The following MALRD1 variants were observed in gnomAD, a reference collection of about 807,000 sequenced individuals.
MALRD1 encodes MAM and LDL-receptor class A domain-containing protein 1.
In MALRD1, 247 loss-of-function variants were observed where a neutral mutation model predicts 242.1. The ratio of observed to expected loss-of-function variants is 1.02; its 90% confidence interval spans 0.92 to 1.13. The LOEUF is 1.13. MALRD1 is among the 50% of genes most tolerant of loss of function. The probability of loss-of-function intolerance (pLI) is 0.00; values close to 1 mark genes in which losing one functional copy is unlikely to be tolerated. For synonymous variants in MALRD1, 995 were observed against 866.6 expected (o/e 1.15, Z -2.60); for missense variants, 2,989 against 2,533.1 (o/e 1.18, Z -3.86).
intron 33 of MALRD1, among the ~76,000 whole-genome samples, chr10:19,586,013 C>T (rs1370659449): frequency 1.2e-4 from 18 of 152,306 alleles, no homozygotes; most frequent in South Asian, 8.3e-4. Flanking sequence ...TCCAGTTGAT[C>T]GCATCGGCTC....
At chr10:19,259,472 G>A (rs1003328786) in intron 19 of MALRD1, among the ~76,000 whole-genome samples, 4 of 152,100 alleles carry the variant, frequency 2.6e-5, no homozygotes, top group East Asian at 3.9e-4. Context: ...GCAAAGTCAA[G>A]TCTTACAAGT....
intron 26 of MALRD1, among the ~76,000 whole-genome samples, chr10:19,380,284 T>A (rs999524926): frequency 6.6e-6 from 1 of 151,346 alleles, no homozygotes; most frequent in Non-Finnish European, 1.5e-5. Flanking sequence ...CTTCTTTTTT[T>A]TTTTTTTTGA....
intron 4 of MALRD1, among the ~76,000 whole-genome samples, chr10:19,100,923 C>G (rs1419078807): frequency 6.6e-6 from 1 of 151,918 alleles, no homozygotes; most frequent in Non-Finnish European, 1.5e-5. Flanking sequence ...GGGACTATCT[C>G]TATGAAAAAG....
At chr10:19,330,785 A>G (rs967086769) in intron 23 of MALRD1, among the ~76,000 whole-genome samples, 1 of 152,170 alleles carries the variant, frequency 6.6e-6, no homozygotes, top group Non-Finnish European at 1.5e-5. Flanking sequence ...AATAGGACAC[A>G]TGAAGATTCT....
At chr10:19,119,283 C>T (rs906091218) in intron 5 of MALRD1, among the ~76,000 whole-genome samples, 3 of 152,096 alleles carry the variant, frequency 2.0e-5, no homozygotes, top group Admixed American at 6.5e-5. Context: ...AGGTAGTAAC[C>T]GCCCAAGGGG....
intron 21 of MALRD1, among the ~76,000 whole-genome samples, chr10:19,315,760 A>G (rs1842676253): frequency 7.1e-6 from 1 of 140,728 alleles, no homozygotes; most frequent in African/African-American, 2.6e-5. Flanking sequence ...AATATGTAAT[A>G]TATATGTATA....
intron 32 of MALRD1, among the ~76,000 whole-genome samples, chr10:19,540,180 C>G (rs1339980879): frequency 2.6e-5 from 4 of 152,028 alleles, no homozygotes; most frequent in Non-Finnish European, 5.9e-5. Context: ...TTAGAATAGG[C>G]AGATGTTTCC....
chr10:19,480,728 A>T (rs1365407440), intron 29 of MALRD1, among the ~76,000 whole-genome samples: 2 of 152,166 alleles, frequency 1.3e-5, no homozygotes. Context: ...GCATGAGACC[A>T]TAGTGGTCCT....
At chr10:19,066,695 C>A in intron 1 of MALRD1, 24 bp from the exon 2 acceptor site, 1 of 1,233,262 alleles carries the variant, frequency 8.1e-7, no homozygotes, top group Non-Finnish European at 1.0e-6. Flanking sequence ...GTTGTGAAAA[C>A]CAACTTTTCT....
At chr10:19,433,113 T>A (rs1337604202) in intron 28 of MALRD1, among the ~76,000 whole-genome samples, 1 of 152,200 alleles carries the variant, frequency 6.6e-6, no homozygotes, top group African/African-American at 2.4e-5. Flanking sequence ...TATATTATTT[T>A]TATCTAATCA....
intron 34 of MALRD1, among the ~76,000 whole-genome samples, chr10:19,596,226 A>T (rs1249873341): frequency 6.6e-6 from 1 of 152,176 alleles, no homozygotes; most frequent in Non-Finnish European, 1.5e-5. Context: ...TCTTAAAGTG[A>T]GTACATATCA....
At chr10:19,193,600 G>A (rs1836090449) in intron 14 of MALRD1, among the ~76,000 whole-genome samples, 2 of 152,074 alleles carry the variant, frequency 1.3e-5, no homozygotes, top group African/African-American at 4.8e-5. Flanking sequence ...TGTGCTACAA[G>A]ACATGGGAAT....
chr10:19,441,366 T>C (rs3001935), intron 28 of MALRD1, among the ~76,000 whole-genome samples: 106,618 of 152,094 alleles, frequency 0.7, 37,473 homozygotes, highest in Non-Finnish European at 0.74. Flanking sequence ...TTGTCAATTT[T>C]GGCTTTTGTT....
chr10:19,162,482 T>C (rs1834473643), intron 12 of MALRD1, among the ~76,000 whole-genome samples: 1 of 152,196 alleles, frequency 6.6e-6, no homozygotes, highest in Non-Finnish European at 1.5e-5. Context: ...AGGTTTAGTG[T>C]TCTGCTACTG....
At chr10:19,708,979 A>G (rs1161309996) in intron 38 of MALRD1, among the ~76,000 whole-genome samples, 1 of 121,326 alleles carries the variant, frequency 8.2e-6, no homozygotes, top group Non-Finnish European at 1.9e-5. Context: ...ATTTATTTTG[A>G]AATGGAAACA....
chr10:19,532,423 T>A (rs1372189665), intron 32 of MALRD1, among the ~76,000 whole-genome samples: 1 of 152,100 alleles, frequency 6.6e-6, no homozygotes, highest in African/African-American at 2.4e-5. Context: ...TCCAGCTAAT[T>A]TTTTGTACTT....
At chr10:19,201,486 G>A in intron 14 of MALRD1, among the ~76,000 whole-genome samples, 1 of 152,080 alleles carries the variant, frequency 6.6e-6, no homozygotes, top group Non-Finnish European at 1.5e-5. Flanking sequence ...GGTAGCTATG[G>A]GAGATAGATA....
chr10:19,550,672 A>T (rs980980455), intron 32 of MALRD1, among the ~76,000 whole-genome samples: 1 of 152,132 alleles, frequency 6.6e-6, no homozygotes, highest in African/African-American at 2.4e-5. Context: ...ACGGGATGTG[A>T]TCTCATTCTT....
chr10:19,320,934 T>C (rs1189030873), intron 21 of MALRD1, among the ~76,000 whole-genome samples: 1 of 152,160 alleles, frequency 6.6e-6, no homozygotes, highest in Non-Finnish European at 1.5e-5. Flanking sequence ...TTTTTTCTTA[T>C]AAATTTCTGT....
Sources: allele counts gnomAD v4.1 joint callset (sites outside exome capture counted in the v4.1 genomes callset), GRCh38; gene constraint gnomAD v4.1.1; transcripts MANE v1.5; gene names NCBI Gene and HGNC (gene_info 2026-07-23, HGNC 2026-07-21).